Variants in PPFIA2 observed in about 807,000 individuals in gnomAD.
The protein encoded by PPFIA2 is liprin-alpha-2.
Under a neutral mutation model 175.5 loss-of-function variants are expected in PPFIA2, and 46 were observed. The ratio of observed to expected loss-of-function variants is 0.26; its 90% CI spans 0.21 to 0.34. The LOEUF is 0.34. Among genes scored for constraint, PPFIA2 ranks in the 10% least tolerant of loss-of-function variants. The pLI is 1.00. For missense variants in PPFIA2, 1,179 were observed against 1,506.1 expected (o/e 0.78, Z 3.60); for synonymous variants, 568 against 511.4 (o/e 1.11, Z -1.49).
chr12:81,560,908 T>G (rs2153391453), intron 4 of PPFIA2, among the ~76,000 whole-genome samples: 1 of 152,294 alleles, frequency 6.6e-6, no homozygotes, highest in African/African-American at 2.4e-5. Context: ...TTGAAACTTC[T>G]GATCAGGGAA....
At chr12:81,392,128 G>A (rs761427918) in intron 8 of PPFIA2, among the ~76,000 whole-genome samples, 5 of 151,878 alleles carry the variant, frequency 3.3e-5, no homozygotes, top group Non-Finnish European at 5.9e-5. Context: ...GAAAAATTAC[G>A]TTGGCTTAGA....
intron 7 of PPFIA2, among the ~76,000 whole-genome samples, chr12:81,415,099 A>T (rs2044695321): frequency 6.9e-6 from 1 of 144,256 alleles, no homozygotes; most frequent in Non-Finnish European, 1.5e-5. Context: ...TGTGACACCA[A>T]ACTGTTCCAG....
At chr12:81,280,841 T>G (rs2041927398) in intron 27 of PPFIA2, among the ~76,000 whole-genome samples, 1 of 152,054 alleles carries the variant, frequency 6.6e-6, no homozygotes, top group Admixed American at 6.5e-5. Context: ...CTTCTCAAAA[T>G]TTTCCCTAGA....
chr12:81,578,393 T>G (rs2073919090), intron 4 of PPFIA2, among the ~76,000 whole-genome samples: 1 of 151,794 alleles, frequency 6.6e-6, no homozygotes, highest in Non-Finnish European at 1.5e-5. Context: ...ACCATAATGA[T>G]GAACATTAGA....
At chr12:81,307,764 T>C (rs2049660103) in intron 22 of PPFIA2, among the ~76,000 whole-genome samples, 2 of 152,184 alleles carry the variant, frequency 1.3e-5, no homozygotes, top group Admixed American at 1.3e-4. Flanking sequence ...CCAAATATCT[T>C]ACACAAAGAC....
At chr12:81,321,198 T>C (rs753605151) in intron 22 of PPFIA2, among the ~76,000 whole-genome samples, 12 of 152,118 alleles carry the variant, frequency 7.9e-5, no homozygotes, top group East Asian at 1.9e-4. Context: ...CCAATAGTTA[T>C]ATGTTTCAGG....
chr12:81,573,801 A>G (rs2073012677), intron 4 of PPFIA2, among the ~76,000 whole-genome samples: 1 of 152,058 alleles, frequency 6.6e-6, no homozygotes, highest in African/African-American at 2.4e-5. Flanking sequence ...ATATTAAATT[A>G]TCTTTAAAAT....
intron 21 of PPFIA2, among the ~76,000 whole-genome samples, chr12:81,331,326 G>A (rs1415139037): frequency 2.0e-5 from 3 of 152,120 alleles, no homozygotes; most frequent in Non-Finnish European, 4.4e-5. Context: ...TGTGTAGGTG[G>A]CTATTCCATA....
chr12:81,426,662 T>C (rs1298990247), intron 7 of PPFIA2, among the ~76,000 whole-genome samples: 2 of 150,190 alleles, frequency 1.3e-5, no homozygotes, highest in East Asian at 3.9e-4. Flanking sequence ...TTTTCATCCA[T>C]CTTATTTATT....
chr12:81,350,122 T>C (rs563659784), intron 17 of PPFIA2, among the ~76,000 whole-genome samples: 5 of 152,124 alleles, frequency 3.3e-5, no homozygotes, highest in Non-Finnish European at 7.4e-5. Context: ...TGAAGAGAAA[T>C]AGCTTGTTAT....
intron 4 of PPFIA2, among the ~76,000 whole-genome samples, chr12:81,614,955 C>T (rs1323878328): frequency 6.6e-6 from 1 of 152,098 alleles, no homozygotes; most frequent in African/African-American, 2.4e-5. Flanking sequence ...ATTAGATCTA[C>T]CTGATTACAA....
chr12:81,447,613 C>T (rs2051544341), intron 5 of PPFIA2, among the ~76,000 whole-genome samples: 1 of 152,178 alleles, frequency 6.6e-6, no homozygotes, highest in Non-Finnish European at 1.5e-5. Flanking sequence ...TAATTTTCTT[C>T]AGAATATTTT....
intron 4 of PPFIA2, among the ~76,000 whole-genome samples, chr12:81,664,721 T>C (rs999681278): frequency 6.6e-6 from 1 of 152,074 alleles, no homozygotes; most frequent in Non-Finnish European, 1.5e-5. Context: ...CATGCTGCTA[T>C]AAAGACACAT....
At chr12:81,492,577 C>G (rs999215631) in intron 4 of PPFIA2, among the ~76,000 whole-genome samples, 1 of 151,914 alleles carries the variant, frequency 6.6e-6, no homozygotes, top group Non-Finnish European at 1.5e-5. Context: ...CTAAAGACAG[C>G]AAGGGAGTAA....
chr12:81,568,300 G>T (rs2071753933), intron 4 of PPFIA2, among the ~76,000 whole-genome samples: 1 of 152,306 alleles, frequency 6.6e-6, no homozygotes, highest in South Asian at 2.1e-4. Flanking sequence ...CCTAGAATGT[G>T]CTATCTTTTG....
At chr12:81,462,583 T>C (rs11114864) in intron 4 of PPFIA2, among the ~76,000 whole-genome samples, 32 of 28,304 alleles carry the variant, frequency 1.1e-3, no homozygotes, top group Middle Eastern at 0.017. Flanking sequence ...TATATATATA[T>C]ACATATATAT....
intron 4 of PPFIA2, among the ~76,000 whole-genome samples, chr12:81,558,317 C>T (rs150712723): frequency 1.4e-4 from 22 of 152,232 alleles, no homozygotes; most frequent in East Asian, 1.4e-3. Context: ...GGAGCTTGGA[C>T]GTAAGCCAGT....
chr12:81,364,459 T>C (rs542725480), intron 14 of PPFIA2, among the ~76,000 whole-genome samples: 1 of 151,932 alleles, frequency 6.6e-6, no homozygotes, highest in Admixed American at 6.6e-5. Context: ...TCACAGTTCA[T>C]TGCAGTCTTG....
intron 7 of PPFIA2, among the ~76,000 whole-genome samples, chr12:81,418,217 G>A (rs2045653732): frequency 6.6e-6 from 1 of 151,734 alleles, no homozygotes; most frequent in Non-Finnish European, 1.5e-5. Flanking sequence ...CTTTGGAGTA[G>A]GTTTGTCTCT....
Sources: gnomAD v4.1 joint callset for allele counts (sites outside exome capture counted in the v4.1 genomes callset) on GRCh38, gnomAD v4.1.1 for gene constraint, MANE v1.5 for transcripts, NCBI Gene and HGNC (gene_info 2026-07-23, HGNC 2026-07-21) for gene names.